The following NEBL variants were observed in gnomAD, a reference collection of about 807,000 sequenced individuals.
NEBL encodes the protein nebulette.
NEBL carries 122 observed loss-of-function variants against 140.2 expected under a neutral mutation model. The observed-to-expected ratio is 0.87, with a 90% CI of 0.75 to 1.01. The LOEUF is 1.01. Among genes scored for constraint, NEBL ranks in the 50% least tolerant of loss-of-function variants. The pLI is 0.00. For synonymous variants in NEBL, 436 were observed against 398.9 expected (o/e 1.09, Z -1.11); for missense variants, 1,365 against 1,231.3 (o/e 1.11, Z -1.62).
chr10:20,950,431 G>A (rs889779874), intron 4 of NEBL, among the ~76,000 whole-genome samples: 14 of 152,142 alleles, frequency 9.2e-5, no homozygotes, highest in African/African-American at 3.4e-4. Context: ...GAGACGCCGG[G>A]TGTTCCTAAC....
At chr10:20,846,290 A>T (rs1282899334) in intron 11 of NEBL, among the ~76,000 whole-genome samples, 2 of 152,218 alleles carry the variant, frequency 1.3e-5, no homozygotes, top group African/African-American at 4.8e-5. Flanking sequence ...CTGAAATGAT[A>T]AAAGTAAATA....
At chr10:20,832,251 TG>T (rs1840486612) in intron 14 of NEBL, among the ~76,000 whole-genome samples, 1 of 152,236 alleles carries the variant, frequency 6.6e-6, no homozygotes, top group Non-Finnish European at 1.5e-5. Flanking sequence ...GAATTGGTTC[TG>T]GGATGCATGC....
At chr10:20,901,048 A>G (rs552243958), upstream of NEBL, among the ~76,000 whole-genome samples, 42 of 152,014 alleles carry the variant, frequency 2.8e-4, no homozygotes, top group South Asian at 1.0e-3. Context: ...GCACCTTAAA[A>G]ATAGTGGAGC....
chr10:21,222,640 G>A (rs143842741), intron 3 of NEBL, among the ~76,000 whole-genome samples: 385 of 152,190 alleles, frequency 2.5e-3, no homozygotes, highest in Non-Finnish European at 4.7e-3. Flanking sequence ...TATGTATGGG[G>A]TACATGAAAT....
intron 3 of NEBL, among the ~76,000 whole-genome samples, chr10:21,236,406 G>C (rs2132259593): frequency 7.0e-6 from 1 of 142,960 alleles, no homozygotes; most frequent in South Asian, 2.2e-4. Flanking sequence ...GGAGTGCAGT[G>C]GTGCAATCTC....
intron 2 of NEBL, among the ~76,000 whole-genome samples, chr10:21,088,438 G>T (rs649597): frequency 0.87 from 132,058 of 152,030 alleles, 57,589 homozygotes; most frequent in Middle Eastern, 0.92. Flanking sequence ...GGGCTATGAT[G>T]GTACCACTGC....
chr10:21,205,759 T>C (rs1378036440), intron 3 of NEBL, among the ~76,000 whole-genome samples: 1 of 152,166 alleles, frequency 6.6e-6, no homozygotes, highest in Non-Finnish European at 1.5e-5. Context: ...TAATAAGTAT[T>C]AGATACTAAC....
intron 27 of NEBL, among the ~76,000 whole-genome samples, chr10:20,786,247 T>C (rs536434368): frequency 6.6e-5 from 10 of 152,318 alleles, no homozygotes; most frequent in African/African-American, 1.7e-4. Flanking sequence ...TGTGATTTCA[T>C]ATTCTTCAGA....
chr10:21,288,820 G>GTATATATATATATATATATATA (rs71392181), intron 1 of NEBL, among the ~76,000 whole-genome samples: 18 of 34,974 alleles, frequency 5.1e-4, no homozygotes, highest in Non-Finnish European at 7.1e-4. Flanking sequence ...GTGTGTGTGT[G>GTATATATATATATATATATATA]TATATATATA....
chr10:20,944,461 G>A (rs1321630615), intron 4 of NEBL, among the ~76,000 whole-genome samples: 1 of 152,128 alleles, frequency 6.6e-6, no homozygotes, highest in Non-Finnish European at 1.5e-5. Context: ...TGGTTTACCA[G>A]AACACCCCAC....
intron 4 of NEBL, among the ~76,000 whole-genome samples, chr10:20,948,408 A>T (rs536878408): frequency 6.6e-6 from 1 of 152,326 alleles, no homozygotes; most frequent in African/African-American, 2.4e-5. Context: ...CCTTTTATAA[A>T]TACCAAAAAA....
At chr10:21,034,445 C>T (rs529417949) in intron 2 of NEBL, among the ~76,000 whole-genome samples, 34 of 152,264 alleles carry the variant, frequency 2.2e-4, no homozygotes, top group African/African-American at 8.2e-4. Context: ...AGAAAAGATC[C>T]AACATTCTTC....
intron 3 of NEBL, among the ~76,000 whole-genome samples, chr10:21,207,118 C>T (rs112018293): frequency 0.017 from 2,642 of 151,976 alleles, 98 homozygotes; most frequent in African/African-American, 0.06. Flanking sequence ...GGATTACACA[C>T]ACCCACTACC....
intron 11 of NEBL, among the ~76,000 whole-genome samples, chr10:20,848,600 T>C (rs187386216): frequency 4.6e-4 from 70 of 151,442 alleles, no homozygotes; most frequent in African/African-American, 1.5e-3. Flanking sequence ...TAGATTCTCA[T>C]AGAAGCACAA....
In NEBL at chr10:21,033,992, C is replaced by G. The variant is rs118187770; in HGVS notation, c.165-13791G>C. On this transcript the variant is annotated intron_variant, in intron 2 of 6. Coordinates refer to the NEBL transcript ENST00000417816. ...ACCAACCTGGGCAAAATAGCGAAAA[C>G]TCATCTCTACAAAAAAATACAAAAA... is the stretch of plus-strand genomic sequence containing the variant. Among the ~76,000 whole-genome samples, 3 of 151,134 alleles carry G rather than the reference C, an allele frequency of 2.0e-5. No individual in the cohort carries two copies. The South Asian group carries it at 6.3e-4, about 32-fold the overall frequency.
intron 4 of NEBL, among the ~76,000 whole-genome samples, chr10:20,903,112 C>T (rs1242829970): frequency 6.6e-6 from 1 of 152,068 alleles, no homozygotes; most frequent in Non-Finnish European, 1.5e-5. Context: ...CAATAGAAGC[C>T]TGAAAGTGCA....
chr10:21,079,445 T>C (rs772752013), intron 2 of NEBL, among the ~76,000 whole-genome samples: 2 of 152,240 alleles, frequency 1.3e-5, no homozygotes, highest in Non-Finnish European at 2.9e-5. Context: ...AAACTCAGGC[T>C]CACAGGGCTT....
In NEBL at chr10:21,173,208, T is replaced by C. The variant is rs1841160757; in HGVS notation, c.69+557A>G. On this transcript the variant is annotated intron_variant, in intron 1 of 6. Coordinates refer to the NEBL transcript ENST00000417816. The surrounding 1 kb of genome is among the most constrained non-coding windows in gnomAD (Gnocchi z 5.7). ...CCCTGGAATTCCCCACCCGGTGGAT[T>C]AGACACCCGTGGGTCCGGCTTGCCG... 6.6e-6 allele frequency among the ~76,000 whole-genome samples: 1 copy of C among 152,154 alleles called. No homozygotes were observed. The highest frequency in any genetic ancestry group is 1.5e-5 in the Non-Finnish European group (1 of 68,000).
intron 4 of NEBL, among the ~76,000 whole-genome samples, chr10:20,937,376 G>A (rs927901727): frequency 6.6e-6 from 1 of 152,136 alleles, no homozygotes; most frequent in Non-Finnish European, 1.5e-5. Context: ...TCCCATGAGA[G>A]ATGTAGGAGA....
Sources: gnomAD v4.1 joint callset for allele counts (sites outside exome capture counted in the v4.1 genomes callset) on GRCh38, gnomAD v4.1.1 for gene constraint, Gnocchi (gnomAD v3.1) non-coding constraint, MANE v1.5 for transcripts, NCBI Gene and HGNC (gene_info 2026-07-23, HGNC 2026-07-21) for gene names.